TENM2: variants seen among roughly 807,000 people sequenced by gnomAD.
TENM2 encodes the protein teneurin-2.
Under a neutral mutation model 245.2 loss-of-function variants are expected in TENM2, and 52 were observed. The observed-to-expected ratio is 0.21, with a 90% CI of 0.17 to 0.27. The LOEUF (loss-of-function observed/expected upper bound fraction) is 0.27, where lower values mean the gene tolerates loss of function less well. Ranked by LOEUF, TENM2 falls within the 10% of genes least tolerant of loss-of-function variation. The pLI is 1.00. For missense variants in TENM2, 3,046 were observed against 3,666.8 expected (o/e 0.83, Z 4.37); for synonymous variants, 1,363 against 1,438.9 (o/e 0.95, Z 1.19).
intron 2 of TENM2, among the ~76,000 whole-genome samples, chr5:167,873,366 C>CT (rs139693679): frequency 6.6e-6 from 1 of 152,044 alleles, no homozygotes; most frequent in Non-Finnish European, 1.5e-5. Context: ...CACTTCTTCC[C>CT]TTTTTTTCTC....
chr5:167,367,145 T>G (rs531015388), intron 1 of TENM2, among the ~76,000 whole-genome samples: 2 of 152,272 alleles, frequency 1.3e-5, no homozygotes, highest in East Asian at 3.9e-4. Context: ...CAGGAAAACC[T>G]AGGATACTGG....
chr5:167,311,340 T>G (rs1245919330), intron 1 of TENM2, among the ~76,000 whole-genome samples: 1 of 152,216 alleles, frequency 6.6e-6, no homozygotes, highest in Non-Finnish European at 1.5e-5. Flanking sequence ...TACTGCTGAA[T>G]AGCAATTGTT....
rs376503269 is a variant in TENM2 at position 168,247,862 on chromosome 5, G to C, written c.6923G>C (p.Arg2308Pro). The C allele has an allele frequency of 6.2e-7, 1 of 1,613,930 alleles. No homozygotes were observed. The highest frequency in any genetic ancestry group is 8.5e-7 in the Non-Finnish European group (1 of 1,179,884). The change falls in exon 27 of 29, where the codon CGG becomes CCG. Residue 2308 changes from arginine (R) to proline (P), a missense_variant. Around this residue, in one of 2 missense-constraint regions of TENM2, gnomAD observed 2,704 missense variants for 3,331.9 expected, o/e 0.81. Coordinates refer to ENST00000518659, the Ensembl canonical transcript of TENM2. The surrounding 1 kb of genome is among the most constrained non-coding windows in gnomAD (Gnocchi z 7.8). ...TACCGCTATGATGGCGTAGGACGGC[G>C]GGCTTCCTACAAGACCAACCTGGGC...
chr5:167,587,317 G>A (rs1489095528), intron 2 of TENM2, among the ~76,000 whole-genome samples: 1 of 152,114 alleles, frequency 6.6e-6, no homozygotes, highest in South Asian at 2.1e-4. Flanking sequence ...TTCAATATTA[G>A]CCTTTCATAA....
chr5:167,825,272 C>G (rs17069224), intron 2 of TENM2, among the ~76,000 whole-genome samples: 4 of 150,808 alleles, frequency 2.7e-5, no homozygotes, highest in Non-Finnish European at 1.5e-5. Flanking sequence ...TTGCATAGTG[C>G]GTGTAGTACA....
chr5:167,053,641 C>A, the TENM2 span, among the ~76,000 whole-genome samples: 27 of 152,058 alleles, frequency 1.8e-4, no homozygotes, highest in Admixed American at 1.2e-3. Flanking sequence ...GAGGCTGAAG[C>A]AGTAGGATCA....
At position 168,146,438 on chromosome 5, in the gene TENM2, C is replaced by T. The variant is rs191191474; in HGVS notation, c.2423-16173C>T. ...TGGCCTCAAGCATCCTCAGGGAAGA[C>T]ACTGTTTCTTAGAAGACTCTGCCAA... On this transcript the variant is annotated intron_variant, in intron 12 of 28. Transcript: ENST00000518659. Among the ~76,000 whole-genome samples the T allele has an allele frequency of 9.2e-5, 14 of 152,278 alleles. No individual in the cohort carries two copies. The East Asian group carries it at 2.5e-3, about 27-fold the overall frequency.
At chr5:167,447,260 C>T (rs1765285670) in intron 2 of TENM2, among the ~76,000 whole-genome samples, 1 of 152,200 alleles carries the variant, frequency 6.6e-6, no homozygotes, top group South Asian at 2.1e-4. Flanking sequence ...TTAAATAAAG[C>T]AACATGTGCT....
chr5:167,106,696 A>G, the TENM2 span, among the ~76,000 whole-genome samples: 2 of 151,968 alleles, frequency 1.3e-5, no homozygotes, highest in Non-Finnish European at 2.9e-5. Context: ...TTTGGTGCAC[A>G]AGTGCTATTC....
At chr5:167,135,195 T>C in the TENM2 span, among the ~76,000 whole-genome samples, 1 of 152,210 alleles carries the variant, frequency 6.6e-6, no homozygotes, top group African/African-American at 2.4e-5. Context: ...TCTCATTCTA[T>C]GACTGTCACA....
chr5:167,550,632 G>A (rs539392773), intron 2 of TENM2, among the ~76,000 whole-genome samples: 2 of 151,548 alleles, frequency 1.3e-5, no homozygotes, highest in South Asian at 2.1e-4. Flanking sequence ...ACAACACCCC[G>A]GACACCGCGT....
intron 1 of TENM2, among the ~76,000 whole-genome samples, chr5:167,342,400 A>C (rs1758155064): frequency 6.8e-6 from 1 of 146,928 alleles, no homozygotes; most frequent in African/African-American, 2.5e-5. Context: ...CATTCTCATT[A>C]TGTCATATCA....
chr5:167,193,175 G>T, the TENM2 span, among the ~76,000 whole-genome samples: 1 of 152,116 alleles, frequency 6.6e-6, no homozygotes, highest in East Asian at 1.9e-4. Context: ...TTTAGTGTCA[G>T]TTCCCATTTC....
At chr5:167,964,333 T>C (rs1383258686) in intron 4 of TENM2, among the ~76,000 whole-genome samples, 3 of 152,120 alleles carry the variant, frequency 2.0e-5, no homozygotes, top group African/African-American at 7.2e-5. Context: ...GAGCAGTAGA[T>C]CACAAAAAAG....
chr5:167,278,120 A>G, the TENM2 span, among the ~76,000 whole-genome samples: 801 of 152,136 alleles, frequency 5.3e-3, 8 homozygotes, highest in African/African-American at 0.018. Context: ...CCTTGGCAAC[A>G]TGGCAAAATT....
intron 27 of TENM2, among the ~76,000 whole-genome samples, chr5:168,253,494 T>C (rs532557082): frequency 1.2e-3 from 186 of 151,552 alleles, no homozygotes; most frequent in Non-Finnish European, 1.9e-3. Flanking sequence ...GGTACGATCT[T>C]GGCTCACTGC....
intron 5 of TENM2, among the ~76,000 whole-genome samples, chr5:167,998,460 C>T (rs528549337): frequency 6.6e-6 from 1 of 152,246 alleles, no homozygotes; most frequent in East Asian, 1.9e-4. Context: ...TGTTTAACTC[C>T]AGATAATCTT....
chr5:168,220,850 G>T lies in TENM2; in HGVS notation c.5108+1851G>T, dbSNP rs148949983. Among the ~76,000 whole-genome samples, 674 of 152,286 alleles carry T rather than the reference G, an allele frequency of 4.4e-3. 3 individuals are homozygous for T. Among genetic ancestry groups the T allele is most frequent in the African/African-American group, 0.015 (640 of 41,544 alleles). ...GTCCTGGTCGGGAGTGATGCCTCATGCCTGTAATTTCTGCACTTTGGGAGG... is the reference window on the plus strand; with the variant it reads ...GTCCTGGTCGGGAGTGATGCCTCATTCCTGTAATTTCTGCACTTTGGGAGG... On this transcript the variant is annotated intron_variant, in intron 23 of 28. Coordinates refer to ENST00000518659, the Ensembl canonical transcript of TENM2.
In TENM2 at chr5:167,301,055, A is replaced by T. The variant is rs370428755; in HGVS notation, c.226+15992A>T. Among the ~76,000 whole-genome samples the T allele has an allele frequency of 1.2e-4, 19 of 152,246 alleles. No homozygotes were observed. In the South Asian group the frequency reaches 3.3e-3, roughly 27 times the overall value. On this transcript the variant is annotated intron_variant, in intron 1 of 28. Transcript: ENST00000518659. ...GGAGTGGGTAGCCTCCTTATTGATTAAGAAGGGGACGGACTTACTTTCCAC... is the reference window on the plus strand; with the variant it reads ...GGAGTGGGTAGCCTCCTTATTGATTTAGAAGGGGACGGACTTACTTTCCAC...
Sources: allele counts gnomAD v4.1 joint callset (sites outside exome capture counted in the v4.1 genomes callset), GRCh38; gene constraint gnomAD v4.1.1; regional missense constraint gnomAD v4.1.1; non-coding constraint Gnocchi (gnomAD v3.1); transcripts MANE v1.5; gene names NCBI Gene and HGNC (gene_info 2026-07-23, HGNC 2026-07-21).